The following RAD18 variants were observed in gnomAD, a reference collection of about 807,000 sequenced individuals.
RAD18 encodes the protein RAD18 E3 ubiquitin protein ligase, also known as E3 ubiquitin-protein ligase RAD18.
Under a neutral mutation model 60.4 loss-of-function variants are expected in RAD18, and 47 were observed. That is an observed-to-expected ratio of 0.78 (90% confidence interval 0.62 to 0.99). The LOEUF is 0.99. Among genes scored for constraint, RAD18 ranks in the 50% least tolerant of loss-of-function variants. RAD18 has a pLI of 0.00. For synonymous variants in RAD18, 225 were observed against 195.5 expected (o/e 1.15, Z -1.26); for missense variants, 640 against 593.3 (o/e 1.08, Z -0.82).
chr3:8,912,424 A>G (rs1290153788), intron 8 of RAD18, 52 bp from the exon 9 acceptor site: 5 of 1,267,734 alleles, frequency 3.9e-6, no homozygotes, highest in Non-Finnish European at 4.4e-6. Context: ...AATGACAAAA[A>G]GGGAAATATT....
chr3:8,937,733 T>C (rs992880672), intron 6 of RAD18, among the ~76,000 whole-genome samples: 1 of 152,148 alleles, frequency 6.6e-6, no homozygotes, highest in African/African-American at 2.4e-5. Context: ...AATTTAGGAT[T>C]ACTAAATTAA....
At chr3:8,948,181 G>A (rs1364838391) in intron 3 of RAD18, among the ~76,000 whole-genome samples, 1 of 152,144 alleles carries the variant, frequency 6.6e-6, no homozygotes. Flanking sequence ...TACTTAGACA[G>A]TTCTTTGCAA....
chr3:8,925,124 TG>T (rs1471986415), intron 7 of RAD18, among the ~76,000 whole-genome samples: 1 of 152,064 alleles, frequency 6.6e-6, no homozygotes, highest in Non-Finnish European at 1.5e-5. Context: ...ATCCAGGAGC[TG>T]GTTTTTTGAA....
At chr3:8,907,841 T>C (rs1940039796) in intron 9 of RAD18, among the ~76,000 whole-genome samples, 1 of 152,128 alleles carries the variant, frequency 6.6e-6, no homozygotes, top group Admixed American at 6.5e-5. Flanking sequence ...ACCCACATGC[T>C]GAAAGGGCAG....
chr3:8,942,396 G>A (rs977820570), intron 4 of RAD18, among the ~76,000 whole-genome samples: 1 of 152,118 alleles, frequency 6.6e-6, no homozygotes, highest in African/African-American at 2.4e-5. Context: ...ACTAGAAGCC[G>A]AGCAGATGGC....
intron 4 of RAD18, among the ~76,000 whole-genome samples, chr3:8,943,911 G>A (rs1940797175): frequency 6.6e-6 from 1 of 152,056 alleles, no homozygotes; most frequent in Non-Finnish European, 1.5e-5. Context: ...CAACTTAAAA[G>A]GTTAGGAAAT....
chr3:8,917,880 C>A (rs1352902428), intron 7 of RAD18, among the ~76,000 whole-genome samples: 2 of 151,910 alleles, frequency 1.3e-5, no homozygotes, highest in Non-Finnish European at 2.9e-5. Flanking sequence ...TCAAAAATAA[C>A]CCATTTTAAA....
chr3:8,880,261 C>G lies in RAD18; in HGVS notation c.*1096G>C, dbSNP rs1158570129. ...ACCAAAAAGACAAGGTCAACGGAGA[C>G]AGTCTTTGGAAGGGGAGGTCATAAA... On this transcript the variant is annotated 3_prime_UTR_variant, in exon 13 of 13. Coordinates refer to ENST00000264926, the MANE Select transcript of RAD18 (RefSeq NM_020165.4). The G allele has an allele frequency of 6.6e-6, 1 of 152,204 alleles. No individual in the cohort carries two copies. The highest frequency in any genetic ancestry group is 1.5e-5 in the Non-Finnish European group (1 of 68,040). 9.4% of individuals were successfully genotyped at this position (152,204 alleles called of 1,614,324 possible). A position where few individuals can be genotyped will look rare whatever the true frequency, so the allele number is the denominator to read the frequency against.
Position 8,941,734 on chromosome 3 carries a change from C to A in RAD18, c.337G>T (p.Ala113Ser). ...SPASSSSKNL[A>S]VKVYTPVASR... ...GCTACAGGAGTATATACTTTGACAG[C>A]AAGATTCTTTGAAGAGGAAGAAGCA... The change falls in exon 5 of 13, where the codon GCT (alanine) becomes TCT (serine). Residue 113 changes from alanine (A) to serine (S), a missense_variant. Ala to Ser is a moderately conservative substitution (Grantham distance 99). Transcript: ENST00000264926. 1.9e-6 allele frequency: 3 copies of A among 1,614,108 alleles called. No individual in the cohort carries two copies. The highest frequency in any genetic ancestry group is 1.1e-5 in the South Asian group (1 of 91,076).
chr3:8,908,383 A>G (rs988431359), intron 9 of RAD18, among the ~76,000 whole-genome samples: 4 of 152,084 alleles, frequency 2.6e-5, no homozygotes, highest in Non-Finnish European at 4.4e-5. Context: ...ATGAGCCCTA[A>G]TCCAATATGA....
chr3:8,898,674 ATAGAG>A (rs1253659771), intron 11 of RAD18, among the ~76,000 whole-genome samples: 3 of 152,180 alleles, frequency 2.0e-5, no homozygotes, highest in Non-Finnish European at 4.4e-5. Context: ...CATAAAGGCT[ATAGAG>A]TAGAGACCAA....
At chr3:8,928,982 A>C (rs1423143877) in intron 7 of RAD18, among the ~76,000 whole-genome samples, 5 of 152,228 alleles carry the variant, frequency 3.3e-5, no homozygotes, top group African/African-American at 1.2e-4. Context: ...AAAATTAAAC[A>C]ATACTTCTAT....
intron 7 of RAD18, among the ~76,000 whole-genome samples, chr3:8,929,737 G>T (rs1271908018): frequency 2.0e-5 from 3 of 151,770 alleles, no homozygotes; most frequent in African/African-American, 7.3e-5. Flanking sequence ...CGCCTCCTGG[G>T]TTCACCCAAT....
At chr3:8,947,766 T>C (rs994741556) in intron 3 of RAD18, among the ~76,000 whole-genome samples, 10 of 152,234 alleles carry the variant, frequency 6.6e-5, no homozygotes, top group Admixed American at 4.6e-4. Context: ...GTACACAGTT[T>C]ATCTCAGCGA....
intron 11 of RAD18, among the ~76,000 whole-genome samples, chr3:8,892,111 A>C (rs1939700889): frequency 6.6e-6 from 1 of 152,238 alleles, no homozygotes; most frequent in African/African-American, 2.4e-5. Context: ...AAGACATTTA[A>C]AAAATCTTCC....
chr3:8,897,896 T>C (rs928117679), intron 11 of RAD18, among the ~76,000 whole-genome samples: 8 of 151,740 alleles, frequency 5.3e-5, no homozygotes, highest in African/African-American at 1.9e-4. Flanking sequence ...TGAAACCCTG[T>C]CTCTACTAAA....
chr3:8,915,660 T>G (rs1205816572), intron 7 of RAD18, among the ~76,000 whole-genome samples: 1 of 151,060 alleles, frequency 6.6e-6, no homozygotes, highest in Non-Finnish European at 1.5e-5. Flanking sequence ...CTCGGCTCAC[T>G]GCAAGCTCTG....
chr3:8,887,930 C>G (rs1939599482), intron 12 of RAD18, among the ~76,000 whole-genome samples: 2 of 152,174 alleles, frequency 1.3e-5, no homozygotes, highest in African/African-American at 4.8e-5. Flanking sequence ...TCCAGAGTCA[C>G]AACTCCTCTA....
chr3:8,922,951 C>A (rs1559779569), intron 7 of RAD18, among the ~76,000 whole-genome samples: 1 of 152,134 alleles, frequency 6.6e-6, no homozygotes, highest in Non-Finnish European at 1.5e-5. Context: ...GTAGATAAAA[C>A]CACAAAGATG....
Sources: gnomAD v4.1 joint callset for allele counts (sites outside exome capture counted in the v4.1 genomes callset) on GRCh38, gnomAD v4.1.1 for gene constraint, MANE v1.5 for transcripts, NCBI Gene and HGNC (gene_info 2026-07-23, HGNC 2026-07-21) for gene names.